UBR4: variants seen among roughly 807,000 people sequenced by gnomAD.
UBR4 encodes the protein E3 ubiquitin-protein ligase UBR4.
Under a neutral mutation model 575.6 loss-of-function variants are expected in UBR4, and 124 were observed. The observed-to-expected ratio is 0.22, with a 90% CI of 0.19 to 0.25. UBR4 has a LOEUF of 0.25. Ranked by LOEUF, UBR4 falls within the 10% of genes least tolerant of loss-of-function variation. The pLI, the probability that UBR4 is intolerant of heterozygous loss-of-function variation, is 1.00. For synonymous variants in UBR4, 2,455 were observed against 2,473.7 expected (o/e 0.99, Z 0.22); for missense variants, 4,818 against 6,478.8 (o/e 0.74, Z 8.80).
At chr1:19,106,544 G>A (rs747893615) in intron 83 of UBR4, 25 bp downstream of exon 83, 1 of 1,527,058 alleles carries the variant, frequency 6.5e-7, no homozygotes, top group East Asian at 2.3e-5. Context: ...CGCAGGGGGT[G>A]AAGAGTCCAG....
chr1:19,096,314 G>A (rs1241868871), intron 92 of UBR4, among the ~76,000 whole-genome samples: 2 of 152,210 alleles, frequency 1.3e-5, no homozygotes, highest in Admixed American at 6.5e-5. Flanking sequence ...CTATAGAGAG[G>A]TATTGGAGAA....
Position 19,187,195 on chromosome 1 carries a change from A to T in UBR4, c.1601T>A (p.Leu534His). The change falls in exon 13 of 106, where the codon CTC (leucine) becomes CAC (histidine). Residue 534 changes from leucine to histidine, a missense_variant. Physicochemically the swap from Leu to His is moderately conservative, Grantham distance 99. Transcript: ENST00000375254. ...LIDSVPLMNL[L>H]LTLLSTSYRK... ...GTAGGAAGTTGAAAGTAACGTCAAG[A>T]GCAGGTTCATCAGTGGGACAGAGTC... 1 of 1,613,338 alleles carries T rather than the reference A, an allele frequency of 6.2e-7. No homozygotes were observed. Among genetic ancestry groups the T allele is most frequent in the Non-Finnish European group, 8.5e-7 (1 of 1,179,550 alleles).
Position 19,084,450 on chromosome 1 carries a change from G to C in UBR4, c.15008+54C>G, listed in dbSNP as rs1003178077. ...GAAAAAGCTGAGGGGATCTCGGGCA[G>C]AGGGATGCAGGGTGGGTCTGCGAGA... is the stretch of plus-strand genomic sequence containing the variant. On this transcript the variant is annotated intron_variant, in intron 102 of 105. Transcript: ENST00000375254. The C allele has an allele frequency of 7.2e-6, 11 of 1,529,608 alleles. No homozygotes were observed. In the African/African-American group the frequency reaches 1.4e-4, roughly 19 times the overall value. The allele number at this position is 1,529,608 out of a possible 1,614,324, so 94.8% of individuals were successfully genotyped here.
rs987611934 is a variant in UBR4, at chr1:19,153,195, G to T, written c.6832+106C>A. On this transcript the variant is annotated intron_variant, in intron 46 of 105. Coordinates refer to ENST00000375254, the MANE Select transcript of UBR4 (RefSeq NM_020765.3). This position sits in a 1 kb window ranked among gnomAD's most constrained non-coding sequence, Gnocchi z 4.1. ...ATTAACTTTACAAAATGTGCAAGTA[G>T]GACAGTCACATTTCTTCACAGATAT... 2.4e-6 allele frequency: 3 copies of T among 1,276,214 alleles called. No individual in the cohort carries two copies. In the African/African-American group the frequency reaches 4.4e-5, roughly 19 times the overall value. The allele number at this position is 1,276,214 out of a possible 1,614,324, so 79.1% of individuals were successfully genotyped here.
chr1:19,105,633 G>T, intron 84 of UBR4, 100 bp downstream of exon 84: 1 of 889,802 alleles, frequency 1.1e-6, no homozygotes, highest in Non-Finnish European at 1.7e-6. Flanking sequence ...TCTACCCAGA[G>T]GTGTGCCTCT....
chr1:19,114,975 G>A, intron 74 of UBR4, 26 bp from the exon 75 acceptor site: 1 of 1,614,000 alleles, frequency 6.2e-7, no homozygotes, highest in Non-Finnish European at 8.5e-7. Flanking sequence ...GTTTGGGTCA[G>A]TAAGGTGACA....
chr1:19,093,446 C>T lies in UBR4; in HGVS notation c.13978G>A (p.Asp4660Asn). The change falls in exon 96 of 106, where the codon GAC becomes AAC. Residue 4660 changes from aspartate (D) to asparagine (N), a missense_variant. By Grantham distance (23) the Asp-to-Asn change is conservative (BLOSUM62 1). Coordinates refer to ENST00000375254, the MANE Select transcript of UBR4 (RefSeq NM_020765.3). This position sits in a 1 kb window ranked among gnomAD's most constrained non-coding sequence, Gnocchi z 4.8. ...CCAGCAGCTATTTTACAGAAGCAGT[C>T]CAGGAAGACTTTATCATCACCACTG... ...DHSGDDKVFL[D>N]CFCKIAAGIK... is the part of the protein sequence containing the mutation. 1 of 1,614,138 alleles carries T rather than the reference C, an allele frequency of 6.2e-7. No individual in the cohort carries two copies. The highest frequency in any genetic ancestry group is 8.5e-7 in the Non-Finnish European group (1 of 1,180,022).
rs780778795 is a variant in UBR4, at chr1:19,119,725, T to G, written c.10311-24A>C. 8 of 1,589,150 alleles carry G rather than the reference T, an allele frequency of 5.0e-6. No homozygotes were observed. In the African/African-American group the frequency reaches 8.1e-5, roughly 16 times the overall value. The stretch of plus-strand genomic sequence containing the variant: ...TTCTGTGGATATATGACAGCTCATG[T>G]TACCAAGCAGCAGAAAACCCTGAGG... On this transcript the variant is annotated intron_variant, in intron 69 of 105. Coordinates refer to ENST00000375254, the MANE Select transcript of UBR4 (RefSeq NM_020765.3).
At chr1:19,094,635 G>T (rs1238439095) in intron 94 of UBR4, among the ~76,000 whole-genome samples, 1 of 152,226 alleles carries the variant, frequency 6.6e-6, no homozygotes, top group Non-Finnish European at 1.5e-5. Context: ...TTGGACTAAA[G>T]CCTCTGTCTA....
At chr1:19,079,461 G>A (rs1265505271) in intron 103 of UBR4, 1 of 152,218 alleles carries the variant, frequency 6.6e-6, no homozygotes, top group African/African-American at 2.4e-5. Context: ...CAAGATAACA[G>A]ATCAAGTTCT....
chr1:19,154,802 T>G, intron 44 of UBR4, 116 bp downstream of exon 44: 2 of 1,443,288 alleles, frequency 1.4e-6, no homozygotes, highest in South Asian at 2.6e-5. Flanking sequence ...GAAAAAAAGG[T>G]TGGCTGGAGA....
chr1:19,158,386 C>T (rs1348270088), intron 39 of UBR4, among the ~76,000 whole-genome samples: 1 of 152,132 alleles, frequency 6.6e-6, no homozygotes, highest in African/African-American at 2.4e-5. Context: ...AAAACCAATG[C>T]TCTAAAAGTG....
Position 19,105,748 on chromosome 1 carries a change from A to T in UBR4, c.12488T>A (p.Leu4163Gln). 6.2e-7 allele frequency: 1 copy of T among 1,606,736 alleles called. No homozygotes were observed. The highest frequency in any genetic ancestry group is 8.5e-7 in the Non-Finnish European group (1 of 1,177,042). The change falls in exon 84 of 106, where the codon CTG becomes CAG. Residue 4163 changes from leucine (L) to glutamine (Q), a missense_variant. Physicochemically the swap from Leu to Gln is moderately radical, Grantham distance 113. This residue lies in a region of UBR4 where 178 missense variants were observed against 175.5 expected (regional missense o/e 1.01). Coordinates refer to ENST00000375254, the MANE Select transcript of UBR4 (RefSeq NM_020765.3). ...CAAATGGTACCTGGTAAGCAGGTCCAGGACCTGCTGCTTGCGGCTGGGAAT... is the reference window on the plus strand; with the variant it reads ...CAAATGGTACCTGGTAAGCAGGTCCTGGACCTGCTGCTTGCGGCTGGGAAT... ...ATIPSRKQQV[L>Q]DLLTSYLDEL...
chr1:19,186,741 T>A (rs887964927), intron 13 of UBR4, 84 bp from the exon 14 acceptor site: 2 of 1,363,116 alleles, frequency 1.5e-6, no homozygotes, highest in Non-Finnish European at 2.0e-6. Context: ...ATCTCTTTTA[T>A]TTTTTCCTAA....
In UBR4 at chr1:19,184,087, A is replaced by T. The variant is rs1052876179; in HGVS notation, c.2027T>A (p.Val676Glu). 6.2e-7 allele frequency: 1 copy of T among 1,614,080 alleles called. No homozygotes were observed. The highest frequency in any genetic ancestry group is 1.3e-5 in the African/African-American group (1 of 74,922). ...GGCCATATGGTGTTCTGAAAGAGAT[A>T]CACTCAGATAGTTTCGGATAAAATT... ...RNNFIRNYLS[V>E]SLSEHHMATL... The change falls in exon 16 of 106, where the codon GTA becomes GAA. Residue 676 changes from valine (V) to glutamate (E), a missense_variant. Physicochemically the swap from Val to Glu is moderately radical, Grantham distance 121. Around this residue, in one of 29 missense-constraint regions of UBR4, gnomAD observed 1,172 missense variants for 1,259.7 expected, o/e 0.93. Transcript: ENST00000375254.
chr1:19,165,632 T>C, intron 30 of UBR4, 24 bp downstream of exon 30: 4 of 1,604,386 alleles, frequency 2.5e-6, no homozygotes, highest in Middle Eastern at 1.7e-4. Context: ...AAATATTCAC[T>C]GAATAAAGCA....
intron 2 of UBR4, 102 bp from the exon 3 acceptor site, chr1:19,199,856 G>GT: frequency 9.0e-7 from 1 of 1,111,768 alleles, no homozygotes; most frequent in South Asian, 1.4e-5. Flanking sequence ...TCCCAATATC[G>GT]TAACAATTAT....
At chr1:19,206,459 G>A (rs749933845) in intron 1 of UBR4, among the ~76,000 whole-genome samples, 8 of 152,090 alleles carry the variant, frequency 5.3e-5, no homozygotes, top group Non-Finnish European at 1.0e-4. Flanking sequence ...CCGAGTAGCT[G>A]GGATTATGGG....
At chr1:19,207,403 C>T (rs545065281) in intron 1 of UBR4, among the ~76,000 whole-genome samples, 19 of 152,174 alleles carry the variant, frequency 1.2e-4, no homozygotes, top group Non-Finnish European at 2.5e-4. Context: ...CCAAGGCGGG[C>T]GGATCACCTG....
Sources: gnomAD v4.1 joint callset for allele counts (sites outside exome capture counted in the v4.1 genomes callset) on GRCh38, gnomAD v4.1.1 for gene constraint, gnomAD v4.1.1 regional missense constraint, Gnocchi (gnomAD v3.1) non-coding constraint, MANE v1.5 for transcripts, NCBI Gene and HGNC (gene_info 2026-07-23, HGNC 2026-07-21) for gene names.